The following NBEAL1 variants were observed in gnomAD, a reference collection of about 807,000 sequenced individuals.
The protein encoded by NBEAL1 is neurobeachin like 1.
NBEAL1 carries 273 observed loss-of-function variants against 351.3 expected under a neutral mutation model. The observed-to-expected ratio is 0.78, with a 90% CI of 0.70 to 0.86. The LOEUF is 0.86. NBEAL1 is among the 40% of genes least tolerant of loss of function. The pLI, the probability that NBEAL1 is intolerant of heterozygous loss-of-function variation, is 0.00. For synonymous variants in NBEAL1, 1,050 were observed against 1,086.4 expected (o/e 0.97, Z 0.66); for missense variants, 2,961 against 3,201.3 (o/e 0.92, Z 1.81).
rs2065984909 is a variant in NBEAL1 at position 203,224,274 on chromosome 2, T to C, written c.*6920T>C. ...TGCTTATTTTATAAGTAGCTTTATA[T>C]AAGAAAACTTCTTAGAAAACTATGT... On this transcript the variant is annotated 3_prime_UTR_variant, in exon 56 of 56. Coordinates refer to ENST00000683969, the MANE Select transcript of NBEAL1 (RefSeq NM_001378026.1). 6.6e-6 allele frequency among the ~76,000 whole-genome samples: 1 copy of C among 152,124 alleles called. No homozygotes were observed. The highest frequency in any genetic ancestry group is 1.5e-5 in the Non-Finnish European group (1 of 67,944).
At chr2:203,156,399 A>C (rs187453816) in intron 35 of NBEAL1, among the ~76,000 whole-genome samples, 1 of 152,160 alleles carries the variant, frequency 6.6e-6, no homozygotes, top group African/African-American at 2.4e-5. Flanking sequence ...CCAATCTTTC[A>C]TCAGATTTTC....
chr2:203,175,310 A>G, intron 42 of NBEAL1, 23 bp downstream of exon 42: 2 of 1,612,264 alleles, frequency 1.2e-6, no homozygotes, highest in Non-Finnish European at 1.7e-6. Flanking sequence ...TAAATAAGCT[A>G]TTTTTTTATG....
At position 203,217,769 on chromosome 2, in the gene NBEAL1, T is replaced by C. The variant is rs2065912702; in HGVS notation, c.*415T>C. 1 of 977,398 alleles carries C rather than the reference T, an allele frequency of 1.0e-6. No homozygotes were observed. Among genetic ancestry groups the C allele is most frequent in the African/African-American group, 1.8e-5 (1 of 57,076 alleles). 60.5% of individuals were successfully genotyped at this position (977,398 alleles called of 1,614,324 possible). A position where few individuals can be genotyped will look rare whatever the true frequency, so the allele number is the denominator to read the frequency against. ...ACCACTGTAATGAAAATATATCAAT[T>C]TATTTATGGAACTCCTGATTGGGGA... On this transcript the variant is annotated 3_prime_UTR_variant, in exon 56 of 56. Coordinates refer to ENST00000683969, the MANE Select transcript of NBEAL1 (RefSeq NM_001378026.1).
In NBEAL1 at chr2:203,136,145, T is replaced by G. The variant is rs1256672644; in HGVS notation, c.4282T>G (p.Ser1428Ala). The change falls in exon 28 of 56, where the codon TCC (serine) becomes GCC (alanine). Residue 1428 changes from serine (S) to alanine (A), a missense_variant. Ser to Ala is a moderately conservative substitution (Grantham distance 99, BLOSUM62 1). Coordinates refer to ENST00000683969, the MANE Select transcript of NBEAL1 (RefSeq NM_001378026.1). Reference protein sequence around the residue: ...QVPDSLPSTPSPVESTKSFSV... With the variant: ...QVPDSLPSTPAPVESTKSFSV... Reference sequence around the variant, plus strand: ...GCCAGACAGTCTGCCTAGCACACCATCCCCAGTAGAGTCTACTAAATCGTT... The same window carrying G: ...GCCAGACAGTCTGCCTAGCACACCAGCCCCAGTAGAGTCTACTAAATCGTT... 2 of 1,613,914 alleles carry G rather than the reference T, an allele frequency of 1.2e-6. No individual in the cohort carries two copies. Among genetic ancestry groups the G allele is most frequent in the African/African-American group, 2.7e-5 (2 of 74,900 alleles).
intron 24 of NBEAL1, among the ~76,000 whole-genome samples, chr2:203,129,406 A>G (rs1168527871): frequency 6.6e-6 from 1 of 152,172 alleles, no homozygotes; most frequent in Non-Finnish European, 1.5e-5. Flanking sequence ...CAGTGGTTAC[A>G]TGACTTCATT....
intron 33 of NBEAL1, 26 bp from the exon 34 acceptor site, chr2:203,148,965 A>G (rs1575045681): frequency 1.3e-6 from 2 of 1,585,482 alleles, no homozygotes; most frequent in Non-Finnish European, 1.7e-6. Flanking sequence ...TGAGTCAATG[A>G]CCTTACTTTT....
In NBEAL1 at chr2:203,211,125, T is replaced by C. The variant is rs2065777883; in HGVS notation, c.7934+19T>C. On this transcript the variant is annotated intron_variant, in intron 54 of 55. Coordinates refer to ENST00000683969, the MANE Select transcript of NBEAL1 (RefSeq NM_001378026.1). ...TCCACAGGTAAATAATAAAAACTAATGAAGTATCACTTAAGAAAAGGGGCA... is the reference window on the plus strand; with the variant it reads ...TCCACAGGTAAATAATAAAAACTAACGAAGTATCACTTAAGAAAAGGGGCA... 2.0e-6 allele frequency: 3 copies of C among 1,510,708 alleles called. No homozygotes were observed. Among genetic ancestry groups the C allele is most frequent in the Non-Finnish European group, 2.7e-6 (3 of 1,125,468 alleles). The allele number at this position is 1,510,708 out of a possible 1,614,324, so 93.6% of individuals were successfully genotyped here.
chr2:203,208,180 G>T (rs540190760), intron 51 of NBEAL1, among the ~76,000 whole-genome samples: 1 of 152,162 alleles, frequency 6.6e-6, no homozygotes, highest in South Asian at 2.1e-4. Context: ...AGCTACTCAG[G>T]GAGGCTAAGG....
rs936140434 is a variant in NBEAL1, at chr2:203,110,136, C to T, written c.1950-14C>T. 4.0e-5 allele frequency: 61 copies of T among 1,542,028 alleles called. No homozygotes were observed. The highest frequency in any genetic ancestry group is 3.4e-4 in the Middle Eastern group (2 of 5,962). On this transcript the variant is annotated splice_polypyrimidine_tract_variant and intron_variant, in intron 14 of 55. Coordinates refer to ENST00000683969, the MANE Select transcript of NBEAL1 (RefSeq NM_001378026.1). ...ACCAACTTTAAAAGTTCTGATAATA[C>T]GTATTTTTTTTAGTTTTTTTACAGG...
chr2:203,208,268 A>G (rs1416037420), intron 51 of NBEAL1, among the ~76,000 whole-genome samples: 2 of 152,230 alleles, frequency 1.3e-5, no homozygotes, highest in Admixed American at 1.3e-4. Context: ...CCTGGGCAAC[A>G]GAATGAGAGA....
chr2:203,064,605 C>G (rs1400897060), intron 6 of NBEAL1, among the ~76,000 whole-genome samples: 6 of 151,972 alleles, frequency 3.9e-5, no homozygotes, highest in African/African-American at 1.2e-4. Context: ...CAAGCAAATC[C>G]CAAGTGAAGA....
chr2:203,121,417 C>T (rs1051993002), intron 18 of NBEAL1, among the ~76,000 whole-genome samples: 5 of 151,984 alleles, frequency 3.3e-5, no homozygotes, highest in Non-Finnish European at 5.9e-5. Flanking sequence ...CTTTGGGAGG[C>T]CGAGGTGGGT....
At chr2:203,137,903 G>A (rs1440224549) in intron 29 of NBEAL1, among the ~76,000 whole-genome samples, 1 of 151,780 alleles carries the variant, frequency 6.6e-6, no homozygotes, top group Non-Finnish European at 1.5e-5. Context: ...AGAATCGCCT[G>A]AACCCAGGAG....
intron 31 of NBEAL1, among the ~76,000 whole-genome samples, chr2:203,144,024 A>G (rs938670805): frequency 6.6e-6 from 1 of 151,954 alleles, no homozygotes; most frequent in Non-Finnish European, 1.5e-5. Context: ...AGCCTGGCCA[A>G]CATAGTGAAA....
chr2:203,160,739 A>C (rs774234649), intron 36 of NBEAL1, among the ~76,000 whole-genome samples: 38 of 152,096 alleles, frequency 2.5e-4, no homozygotes, highest in Non-Finnish European at 8.8e-5. Context: ...TCCCGAACTA[A>C]TTCTGTAGAG....
chr2:203,130,646 A>G (rs2063052370), intron 25 of NBEAL1, among the ~76,000 whole-genome samples, 170 bp downstream of exon 25: 1 of 152,150 alleles, frequency 6.6e-6, no homozygotes, highest in Non-Finnish European at 1.5e-5. Context: ...CATATTAAAA[A>G]ACTAATTATA....
At chr2:203,134,731 C>G (rs915080258) in intron 27 of NBEAL1, among the ~76,000 whole-genome samples, 1 of 152,146 alleles carries the variant, frequency 6.6e-6, no homozygotes, top group African/African-American at 2.4e-5. Flanking sequence ...AGAGATCATA[C>G]GTATTCTCAT....
At chr2:203,139,595 G>A (rs2063315118) in intron 31 of NBEAL1, among the ~76,000 whole-genome samples, 1 of 98,848 alleles carries the variant, frequency 1.0e-5, no homozygotes, top group Admixed American at 1.4e-4. Context: ...TTGAGACAGA[G>A]TGTCTCTGTG....
Position 203,220,251 on chromosome 2 carries a change from C to G in NBEAL1, c.*2897C>G, listed in dbSNP as rs1175333636. Among the ~76,000 whole-genome samples, 1 of 151,910 alleles carries G rather than the reference C, an allele frequency of 6.6e-6. No homozygotes were observed. The highest frequency in any genetic ancestry group is 1.5e-5 in the Non-Finnish European group (1 of 67,964). ...CTATAATCCCAGCTCTTTGGGAGGC[C>G]GAGGTGGGCGGATCACAAGGTCAGG... On this transcript the variant is annotated 3_prime_UTR_variant, in exon 56 of 56. Coordinates refer to ENST00000683969, the MANE Select transcript of NBEAL1 (RefSeq NM_001378026.1).
Sources: allele counts gnomAD v4.1 joint callset (sites outside exome capture counted in the v4.1 genomes callset), GRCh38; gene constraint gnomAD v4.1.1; transcripts MANE v1.5; gene names NCBI Gene and HGNC (gene_info 2026-07-23, HGNC 2026-07-21).